Variants in DHRS12 observed in about 807,000 individuals in gnomAD.
The protein encoded by DHRS12 is dehydrogenase/reductase 12.
In DHRS12, 29 loss-of-function variants were observed where a neutral mutation model predicts 32.1. The ratio of observed to expected loss-of-function variants is 0.90; its 90% CI spans 0.67 to 1.23. The LOEUF (loss-of-function observed/expected upper bound fraction) is 1.23. DHRS12 is among the 50% of genes most tolerant of loss of function. The probability of loss-of-function intolerance (pLI) is 0.00; values close to 1 mark genes in which losing one functional copy is unlikely to be tolerated. For synonymous variants in DHRS12, 150 were observed against 135.9 expected (o/e 1.10, Z -0.72); for missense variants, 330 against 337.2 (o/e 0.98, Z 0.17).
chr13:51,762,735 T>C, the DHRS12 span: 1 of 152,232 alleles, frequency 6.6e-6, no homozygotes, highest in African/African-American at 2.4e-5. Flanking sequence ...ATTTGCACTT[T>C]ACATATATTT....
chr13:51,771,578 C>T, intron 7 of DHRS12: 1 of 1,563,416 alleles, frequency 6.4e-7, no homozygotes, highest in Non-Finnish European at 8.7e-7. Context: ...GGCGCACCTG[C>T]TCCCGTTCCC....
rs1046227754 is a variant in DHRS12 at position 51,790,209 on chromosome 13, ACAATTTGCT to A, written c.220-126_220-118del. ...CTTTTTCAACTTTCAAGTGACAATGACAATTTGCTCAACTGATTCTTTACTCCAAACCCT... is the reference window on the plus strand; with the variant it reads ...CTTTTTCAACTTTCAAGTGACAATGACAACTGATTCTTTACTCCAAACCCT... On this transcript the variant is annotated intron_variant, in intron 3 of 8. Transcript: ENST00000444610. 2.2e-5 allele frequency: 16 copies of A among 726,700 alleles called. No individual in the cohort carries two copies. The African/African-American group carries it at 2.4e-4, about 11-fold the overall frequency. The allele number at this position is 726,700 out of a possible 1,614,324, so 45.0% of individuals were successfully genotyped here. A position where few individuals can be genotyped will look rare whatever the true frequency, so the allele number is the denominator to read the frequency against.
chr13:51,756,026 G>C, the DHRS12 span, among the ~76,000 whole-genome samples: 1 of 151,236 alleles, frequency 6.6e-6, no homozygotes, highest in African/African-American at 2.4e-5. Flanking sequence ...CCCGCTTTAA[G>C]ATCACCTGGC....
intron 1 of DHRS12, among the ~76,000 whole-genome samples, chr13:51,803,102 G>A (rs1176689824): frequency 6.6e-6 from 1 of 152,178 alleles, no homozygotes; most frequent in African/African-American, 2.4e-5. Flanking sequence ...ACCATTCTCT[G>A]CAGCAGGGGC....
chr13:51,755,543 G>T, the DHRS12 span: 1 of 1,321,986 alleles, frequency 7.6e-7, no homozygotes, highest in East Asian at 2.4e-5. Context: ...ACACCCCTGG[G>T]TGGGAGTTGT....
chr13:51,790,200 G>T, intron 3 of DHRS12, 108 bp from the exon 4 acceptor site: 1 of 788,788 alleles, frequency 1.3e-6, no homozygotes, highest in Non-Finnish European at 1.9e-6. Flanking sequence ...CAACTTTCAA[G>T]TGACAATGAC....
the DHRS12 span, chr13:51,758,288 C>T: frequency 6.3e-7 from 1 of 1,590,932 alleles, no homozygotes; most frequent in Non-Finnish European, 8.6e-7. Flanking sequence ...CTGGAACTGA[C>T]AAGGTTATTA....
intron 7 of DHRS12, 76 bp downstream of exon 7, chr13:51,771,745 G>A (rs929930504): frequency 7.3e-5 from 113 of 1,547,562 alleles, no homozygotes; most frequent in Middle Eastern, 3.4e-4. Flanking sequence ...CATTCCTGGG[G>A]AGAGTCAATC....
intron 4 of DHRS12, among the ~76,000 whole-genome samples, chr13:51,789,225 TAATTAA>T (rs1173885652): frequency 6.6e-6 from 1 of 152,156 alleles, no homozygotes; most frequent in Non-Finnish European, 1.5e-5. Context: ...GAACAATACT[TAATTAA>T]AACACCCCCC....
chr13:51,797,435 G>A (rs190094599), intron 2 of DHRS12, among the ~76,000 whole-genome samples: 215 of 152,256 alleles, frequency 1.4e-3, no homozygotes, highest in African/African-American at 4.1e-3. Flanking sequence ...AAATGCTGCC[G>A]GTGTTTCTCT....
At chr13:51,755,422 A>G in the DHRS12 span, 5 of 1,614,212 alleles carry the variant, frequency 3.1e-6, no homozygotes, top group East Asian at 2.2e-5. Context: ...TGGAACTTCA[A>G]GCAAATGTGG....
At chr13:51,800,001 G>C (rs529251054) in intron 1 of DHRS12, among the ~76,000 whole-genome samples, 14 of 152,152 alleles carry the variant, frequency 9.2e-5, no homozygotes, top group Non-Finnish European at 1.5e-4. Context: ...TCCCTTTTGT[G>C]GGGGGCAGGT....
At position 51,795,740 on chromosome 13, in the gene DHRS12, A is replaced by C. The variant is rs891906611; in HGVS notation, c.126+3794T>G. Among the ~76,000 whole-genome samples the C allele has an allele frequency of 9.2e-5, 14 of 152,192 alleles. 1 individual carries two copies. Among genetic ancestry groups the C allele is most frequent in the African/African-American group, 3.4e-4 (14 of 41,448 alleles). On this transcript the variant is annotated intron_variant, in intron 2 of 8. Transcript: ENST00000444610. ...AGAGGAGATTCGCCATCACCAGGGA[A>C]GCCAATATCTCAATTCCCCCCTTCC... is the stretch of plus-strand genomic sequence containing the variant.
the DHRS12 span, chr13:51,761,878 G>A: frequency 6.6e-6 from 1 of 152,212 alleles, no homozygotes. Context: ...ACACACGCAT[G>A]CCCCGCACAG....
At chr13:51,760,755 A>C in the DHRS12 span, 8 of 152,240 alleles carry the variant, frequency 5.3e-5, no homozygotes, top group Admixed American at 3.3e-4. Flanking sequence ...GGAGCACGCA[A>C]CCTAAATCCC....
chr13:51,755,341 G>T, the DHRS12 span: 2 of 1,613,768 alleles, frequency 1.2e-6, no homozygotes, highest in South Asian at 2.2e-5. Context: ...GACCTGTTCT[G>T]TGCTTTATTT....
intron 4 of DHRS12, among the ~76,000 whole-genome samples, chr13:51,784,143 A>G (rs1447620753): frequency 6.6e-6 from 1 of 152,230 alleles, no homozygotes; most frequent in Non-Finnish European, 1.5e-5. Context: ...AACCCTGCTC[A>G]GTGCAGCCAG....
At chr13:51,768,991 A>C in intron 8 of DHRS12, 165 bp downstream of exon 8, 1 of 1,420,466 alleles carries the variant, frequency 7.0e-7, no homozygotes, top group Non-Finnish European at 9.2e-7. Context: ...AGCGCTTCCC[A>C]AAACTAACCT....
intron 6 of DHRS12, chr13:51,773,140 C>T (rs552196255): frequency 2.2e-6 from 2 of 904,672 alleles, no homozygotes; most frequent in Non-Finnish European, 2.6e-6. Flanking sequence ...GGTTGAGCAT[C>T]CTTCATCTGA....
Sources: gnomAD v4.1 joint callset for allele counts (sites outside exome capture counted in the v4.1 genomes callset) on GRCh38, gnomAD v4.1.1 for gene constraint, MANE v1.5 for transcripts, NCBI Gene and HGNC (gene_info 2026-07-23, HGNC 2026-07-21) for gene names.